DYNLRB1: variants seen among roughly 807,000 people sequenced by gnomAD.
DYNLRB1 encodes the protein ROBL/LC7-like 1.
In DYNLRB1, 6 loss-of-function variants were observed where a neutral mutation model predicts 13.5. That is an observed-to-expected ratio of 0.44 (90% confidence interval 0.24 to 0.88). The LOEUF (loss-of-function observed/expected upper bound fraction) is 0.88, where lower values mean the gene tolerates loss of function less well. DYNLRB1 is among the 40% of genes least tolerant of loss of function. DYNLRB1 has a pLI of 0.21. For synonymous variants in DYNLRB1, 43 were observed against 45.0 expected, an observed-to-expected ratio of 0.96 and a Z score of 0.18; for missense variants, 93 against 127.2, an observed-to-expected ratio of 0.73 and a Z score of 1.29.
intron 2 of DYNLRB1, among the ~76,000 whole-genome samples, chr20:34,532,626 G>T (rs554217312): frequency 2.6e-5 from 4 of 152,320 alleles, no homozygotes; most frequent in Admixed American, 2.6e-4. Flanking sequence ...AGCTTCAACT[G>T]TAGAGCAAGG....
chr20:34,517,627 C>A (rs201826401), intron 1 of DYNLRB1, among the ~76,000 whole-genome samples: 1 of 120,408 alleles, frequency 8.3e-6, no homozygotes. Flanking sequence ...TTCATTATTT[C>A]TTTTTTTTTT....
intron 1 of DYNLRB1, 92 bp from the exon 2 acceptor site, chr20:34,526,176 T>A: frequency 7.1e-7 from 1 of 1,403,574 alleles, no homozygotes; most frequent in Non-Finnish European, 1.0e-6. Flanking sequence ...TGTTTGTTGT[T>A]GGAAGACAAA....
At chr20:34,520,044 G>T (rs1359762365) in intron 1 of DYNLRB1, among the ~76,000 whole-genome samples, 1 of 152,112 alleles carries the variant, frequency 6.6e-6, no homozygotes, top group Non-Finnish European at 1.5e-5. Context: ...CACTAGAATC[G>T]CTTGAACCCG....
intron 3 of DYNLRB1, 169 bp downstream of exon 3, chr20:34,534,964 C>A: frequency 1.4e-6 from 2 of 1,472,444 alleles, no homozygotes; most frequent in South Asian, 1.4e-5. Flanking sequence ...GCTGGTGTCC[C>A]ATAGCAGATC....
At chr20:34,534,404 C>T (rs1980956880) in intron 2 of DYNLRB1, among the ~76,000 whole-genome samples, 1 of 152,210 alleles carries the variant, frequency 6.6e-6, no homozygotes, top group South Asian at 2.1e-4. Flanking sequence ...GCTCCTGTTG[C>T]CTCATGGGCG....
intron 2 of DYNLRB1, among the ~76,000 whole-genome samples, chr20:34,528,009 A>G (rs1234650606): frequency 6.6e-6 from 1 of 152,002 alleles, no homozygotes; most frequent in East Asian, 1.9e-4. Flanking sequence ...GCCAATTTAA[A>G]AACTACCCTA....
At chr20:34,526,132 A>G in intron 1 of DYNLRB1, 136 bp from the exon 2 acceptor site, 1 of 853,614 alleles carries the variant, frequency 1.2e-6, no homozygotes, top group Non-Finnish European at 1.9e-6. Context: ...AGCCTGGGGA[A>G]CTTTGAGGGT....
intron 1 of DYNLRB1, among the ~76,000 whole-genome samples, chr20:34,521,497 C>CA (rs1206814189): frequency 6.6e-6 from 1 of 151,622 alleles, no homozygotes; most frequent in Non-Finnish European, 1.5e-5. Flanking sequence ...CTTTTCTATC[C>CA]TGTTAGATTA....
chr20:34,530,187 C>T (rs1321819443), intron 2 of DYNLRB1: 4 of 1,162,720 alleles, frequency 3.4e-6, no homozygotes, highest in Admixed American at 4.6e-5. Context: ...GCCCCTAAAG[C>T]CAAGCCTTTT....
Position 34,517,011 on chromosome 20 carries a change from G to C in DYNLRB1, c.3+550G>C, listed in dbSNP as rs1979283259. 6.5e-6 allele frequency: 8 copies of C among 1,234,304 alleles called. No individual in the cohort carries two copies. In the Admixed American group the frequency reaches 3.0e-4, roughly 47 times the overall value. 76.5% of individuals were successfully genotyped at this position (1,234,304 alleles called of 1,614,324 possible). On this transcript the variant is annotated intron_variant, in intron 1 of 3. Coordinates refer to ENST00000357156, the MANE Select transcript of DYNLRB1 (RefSeq NM_014183.4). Reference sequence around the variant, plus strand: ...GCTTGACGGCCGCCACTCTGTCGGCGTGGTTCTTTCTAGCCGCTGGGACTG... The same window carrying C: ...GCTTGACGGCCGCCACTCTGTCGGCCTGGTTCTTTCTAGCCGCTGGGACTG...
chr20:34,540,840 C>T lies in DYNLRB1; in HGVS notation c.*216C>T, dbSNP rs1294409949. 5 of 498,906 alleles carry T rather than the reference C, an allele frequency of 1.0e-5. No homozygotes were observed. Among genetic ancestry groups the T allele is most frequent in the Non-Finnish European group, 1.8e-5 (5 of 285,186 alleles). 30.9% of individuals were successfully genotyped at this position (498,906 alleles called of 1,614,324 possible). On this transcript the variant is annotated 3_prime_UTR_variant, in exon 4 of 4. Coordinates refer to ENST00000357156, the MANE Select transcript of DYNLRB1 (RefSeq NM_014183.4). ...CTCCGGAGCGCCCTCTCCTCACTTC[C>T]AGGTTTTGGAGCAAGAGCTTGCAGG... is the stretch of plus-strand genomic sequence containing the variant.
At chr20:34,529,981 A>G (rs1980583915) in intron 2 of DYNLRB1, 30 of 1,331,716 alleles carry the variant, frequency 2.3e-5, no homozygotes, top group Non-Finnish European at 2.6e-5. Context: ...GAGTCCTGTG[A>G]TGGTCCAGGG....
intron 2 of DYNLRB1, chr20:34,530,292 G>C: frequency 9.9e-7 from 1 of 1,008,078 alleles, no homozygotes; most frequent in African/African-American, 1.7e-5. Context: ...TGAGAACGTG[G>C]AATGCAGAAT....
At chr20:34,518,510 T>C (rs1786309636) in intron 1 of DYNLRB1, among the ~76,000 whole-genome samples, 1 of 151,894 alleles carries the variant, frequency 6.6e-6, no homozygotes, top group Non-Finnish European at 1.5e-5. Flanking sequence ...TTAGTTTCTT[T>C]TTTTTTTTTT....
chr20:34,526,407 T>C, intron 2 of DYNLRB1, 64 bp downstream of exon 2: 1 of 1,516,354 alleles, frequency 6.6e-7, no homozygotes, highest in Non-Finnish European at 9.1e-7. Context: ...TAACACAGCA[T>C]AGCACTTGCT....
rs375301818 is a variant in DYNLRB1 at position 34,526,233 on chromosome 20, C to T, written c.4-35C>T. On this transcript the variant is annotated intron_variant, in intron 1 of 3. Transcript: ENST00000357156. ...GTATGAGGAAGTTAATCCTGCCTATCGGCCTCTCCTAACCTTGGTCTTGTT... is the reference window on the plus strand; with the variant it reads ...GTATGAGGAAGTTAATCCTGCCTATTGGCCTCTCCTAACCTTGGTCTTGTT... The T allele has an allele frequency of 9.9e-5, 159 of 1,610,954 alleles. 1 individual carries two copies. The highest frequency in any genetic ancestry group is 1.7e-4 in the Middle Eastern group (1 of 6,056).
chr20:34,529,437 G>A (rs1169667626), intron 2 of DYNLRB1, among the ~76,000 whole-genome samples: 2 of 152,072 alleles, frequency 1.3e-5, no homozygotes, highest in South Asian at 2.1e-4. Flanking sequence ...TGGATAGAAT[G>A]TTGATTTCCA....
At chr20:34,517,258 T>C (rs922571909) in intron 1 of DYNLRB1, among the ~76,000 whole-genome samples, 1 of 152,168 alleles carries the variant, frequency 6.6e-6, no homozygotes, top group Non-Finnish European at 1.5e-5. Context: ...AATAAAAAAA[T>C]TGAAAAAAGA....
Position 34,526,249 on chromosome 20 carries a change from T to C in DYNLRB1, c.4-19T>C. 2 of 1,614,024 alleles carry C rather than the reference T, an allele frequency of 1.2e-6. No homozygotes were observed. The highest frequency in any genetic ancestry group is 2.7e-5 in the African/African-American group (2 of 75,032). ...CCTGCCTATCGGCCTCTCCTAACCT[T>C]GGTCTTGTTTTCTGGCAGGCAGAGG... On this transcript the variant is annotated intron_variant, in intron 1 of 3. Coordinates refer to ENST00000357156, the MANE Select transcript of DYNLRB1 (RefSeq NM_014183.4).
Sources: gnomAD v4.1 joint callset for allele counts (sites outside exome capture counted in the v4.1 genomes callset) on GRCh38, gnomAD v4.1.1 for gene constraint, MANE v1.5 for transcripts, NCBI Gene and HGNC (gene_info 2026-07-23, HGNC 2026-07-21) for gene names.